The following ROBO1 variants were observed in gnomAD, a reference collection of about 807,000 sequenced individuals.
ROBO1 encodes the protein roundabout homolog 1.
ROBO1 carries 149 observed loss-of-function variants against 195.9 expected under a neutral mutation model. The observed-to-expected ratio is 0.76, with a 90% confidence interval of 0.67 to 0.87. ROBO1 has a LOEUF of 0.87. ROBO1 is among the 40% of genes least tolerant of loss of function. ROBO1 has a pLI of 0.00. For missense variants in ROBO1, 1,933 were observed against 2,068.3 expected (o/e 0.93, Z 1.27); for synonymous variants, 816 against 733.2 (o/e 1.11, Z -1.82).
chr3:79,738,634 A>G (rs185122356), intron 1 of ROBO1, among the ~76,000 whole-genome samples: 11 of 152,318 alleles, frequency 7.2e-5, no homozygotes, highest in Non-Finnish European at 1.5e-4. Context: ...AGAAGTTTCA[A>G]TAATTTATAT....
At chr3:78,697,045 GACACACACACACACACACACACAC>G (rs10663468) in intron 8 of ROBO1, among the ~76,000 whole-genome samples, 2 of 146,418 alleles carry the variant, frequency 1.4e-5, no homozygotes, top group African/African-American at 2.5e-5. Context: ...GTCACACACA[GACACACACACACACACACACACAC>G]ACACAGCCAC....
At chr3:78,938,523 CT>C in intron 4 of ROBO1, 77 bp downstream of exon 4, 1 of 1,308,432 alleles carries the variant, frequency 7.6e-7, no homozygotes, top group Non-Finnish European at 1.0e-6. Context: ...ACAAATTCGA[CT>C]TTTCATTGCC....
At chr3:78,838,216 G>A (rs2032903791) in intron 4 of ROBO1, among the ~76,000 whole-genome samples, 1 of 152,002 alleles carries the variant, frequency 6.6e-6, no homozygotes, top group Non-Finnish European at 1.5e-5. Context: ...TCCATAAATG[G>A]TCATTATAAA....
chr3:79,047,426 G>A (rs914510271), intron 3 of ROBO1, among the ~76,000 whole-genome samples: 1 of 152,050 alleles, frequency 6.6e-6, no homozygotes, highest in East Asian at 1.9e-4. Context: ...GATGGCAAAC[G>A]ATGTTAAAAT....
intron 2 of ROBO1, among the ~76,000 whole-genome samples, chr3:79,571,107 T>C (rs1943263596): frequency 6.6e-6 from 1 of 152,100 alleles, no homozygotes; most frequent in Non-Finnish European, 1.5e-5. Flanking sequence ...ATTCATGGTA[T>C]GTTTTAGGAT....
At chr3:79,038,726 A>G (rs984007657) in intron 3 of ROBO1, among the ~76,000 whole-genome samples, 1 of 152,086 alleles carries the variant, frequency 6.6e-6, no homozygotes, top group African/African-American at 2.4e-5. Flanking sequence ...AAAAAAAAAA[A>G]AAAACTCTCC....
At chr3:79,418,667 T>C (rs1217320948) in intron 2 of ROBO1, among the ~76,000 whole-genome samples, 6 of 152,170 alleles carry the variant, frequency 3.9e-5, no homozygotes, top group South Asian at 2.1e-4. Flanking sequence ...AAAATCCTTT[T>C]AGTAACTATA....
intron 3 of ROBO1, among the ~76,000 whole-genome samples, chr3:79,099,829 C>T (rs1221570719): frequency 6.6e-6 from 1 of 151,598 alleles, no homozygotes; most frequent in African/African-American, 2.4e-5. Flanking sequence ...ACCCTAACTC[C>T]CAAAAGATCT....
At chr3:79,125,972 G>T (rs2080208415) in intron 2 of ROBO1, among the ~76,000 whole-genome samples, 1 of 151,992 alleles carries the variant, frequency 6.6e-6, no homozygotes. Context: ...TCATCTCCTG[G>T]CAATTACAGA....
intron 3 of ROBO1, among the ~76,000 whole-genome samples, chr3:78,977,810 G>C (rs2076914232): frequency 6.6e-6 from 1 of 151,940 alleles, no homozygotes; most frequent in Non-Finnish European, 1.5e-5. Flanking sequence ...GATCACTTAG[G>C]ACCTTACTGA....
intron 2 of ROBO1, among the ~76,000 whole-genome samples, chr3:79,514,377 ACTT>A (rs1466396004): frequency 3.3e-5 from 5 of 152,194 alleles, no homozygotes; most frequent in Non-Finnish European, 7.3e-5. Context: ...TTTTCAAAAT[ACTT>A]CTTAAAGAAT....
intron 2 of ROBO1, among the ~76,000 whole-genome samples, chr3:79,260,732 A>G (rs905805878): frequency 1.3e-5 from 2 of 152,138 alleles, no homozygotes; most frequent in African/African-American, 4.8e-5. Flanking sequence ...CTTCTGCTCA[A>G]TTGTAAATAG....
intron 1 of ROBO1, among the ~76,000 whole-genome samples, chr3:79,697,651 G>A: frequency 6.6e-6 from 1 of 151,248 alleles, no homozygotes. Flanking sequence ...ATATGATGAG[G>A]TGATATATTA....
At chr3:79,766,847 A>T (rs1214615151) in intron 1 of ROBO1, among the ~76,000 whole-genome samples, 1 of 152,154 alleles carries the variant, frequency 6.6e-6, no homozygotes, top group Admixed American at 6.5e-5. Flanking sequence ...CCTCCCTGCA[A>T]TACGTTTTCC....
chr3:79,116,454 C>A (rs1434308530), intron 3 of ROBO1, among the ~76,000 whole-genome samples: 1 of 143,406 alleles, frequency 7.0e-6, no homozygotes, highest in African/African-American at 2.6e-5. Context: ...TTCCCTTTCC[C>A]TTTCTTTCTT....
intron 4 of ROBO1, among the ~76,000 whole-genome samples, chr3:78,885,937 A>AT: frequency 6.9e-6 from 1 of 145,772 alleles, no homozygotes; most frequent in Admixed American, 6.9e-5. Flanking sequence ...ATATATATAT[A>AT]TATACATACA....
At chr3:78,707,765 G>A (rs1455587280) in intron 8 of ROBO1, among the ~76,000 whole-genome samples, 1 of 152,106 alleles carries the variant, frequency 6.6e-6, no homozygotes, top group East Asian at 1.9e-4. Context: ...AGCCTGGAGA[G>A]GAGTATAGTG....
intron 4 of ROBO1, among the ~76,000 whole-genome samples, chr3:78,863,309 G>A (rs907046475): frequency 6.6e-6 from 1 of 152,112 alleles, no homozygotes; most frequent in Non-Finnish European, 1.5e-5. Context: ...AGAACTCTAT[G>A]AGCCTATGAC....
chr3:79,038,087 G>T (rs747921405), intron 3 of ROBO1, among the ~76,000 whole-genome samples: 1 of 152,018 alleles, frequency 6.6e-6, no homozygotes, highest in African/African-American at 2.4e-5. Flanking sequence ...ACTATTGTAC[G>T]TCATGTTTCC....
Sources: allele counts gnomAD v4.1 joint callset (sites outside exome capture counted in the v4.1 genomes callset), GRCh38; gene constraint gnomAD v4.1.1; transcripts MANE v1.5; gene names NCBI Gene and HGNC (gene_info 2026-07-23, HGNC 2026-07-21).